Variants in ESYT3 observed in about 807,000 individuals in gnomAD.
ESYT3 encodes extended synaptotagmin-3.
In ESYT3, 101 loss-of-function variants were observed where a neutral mutation model predicts 111.5. The ratio of observed to expected loss-of-function variants is 0.91; its 90% CI spans 0.77 to 1.07. ESYT3 has a LOEUF of 1.07. Among genes scored for constraint, ESYT3 ranks in the 50% least tolerant of loss-of-function variants. ESYT3 has a pLI of 0.00. For synonymous variants in ESYT3, 416 were observed against 446.8 expected, an observed-to-expected ratio of 0.93 and a Z score of 0.87; for missense variants, 1,097 against 1,109.4, an observed-to-expected ratio of 0.99 and a Z score of 0.16.
chr3:138,467,626 C>A lies in ESYT3; in HGVS notation c.1218+17C>A. On this transcript the variant is annotated intron_variant, in intron 11 of 22. Coordinates refer to ENST00000389567, the MANE Select transcript of ESYT3 (RefSeq NM_031913.5). ...GTGGATGAGGTACAGTTGGTGCTTG[C>A]AACCCTCGGGGGAGTTTCAAGGTAG... is the stretch of plus-strand genomic sequence containing the variant. The A allele has an allele frequency of 6.2e-7, 1 of 1,613,566 alleles. No homozygotes were observed. Among genetic ancestry groups the A allele is most frequent in the Non-Finnish European group, 8.5e-7 (1 of 1,179,568 alleles).
chr3:138,449,808 C>T (rs1347503040), intron 1 of ESYT3, among the ~76,000 whole-genome samples: 4 of 152,204 alleles, frequency 2.6e-5, no homozygotes, highest in Admixed American at 2.6e-4. Flanking sequence ...TGTTAGTTGC[C>T]TGCCTGTGAG....
chr3:138,478,424 C>T lies in ESYT3; in HGVS notation c.*1570C>T, dbSNP rs1192955883. Reference sequence around the variant, plus strand: ...GGAGCATTGATGCCTACCCTGTCTACCTTATGATGGCATTCTAATTGCCCC... The same window carrying T: ...GGAGCATTGATGCCTACCCTGTCTATCTTATGATGGCATTCTAATTGCCCC... On this transcript the variant is annotated 3_prime_UTR_variant, in exon 23 of 23. Coordinates refer to ENST00000389567, the MANE Select transcript of ESYT3 (RefSeq NM_031913.5). 1 of 152,160 alleles carries T rather than the reference C, an allele frequency of 6.6e-6. No homozygotes were observed. The highest frequency in any genetic ancestry group is 1.5e-5 in the Non-Finnish European group (1 of 68,014). 9.4% of individuals were successfully genotyped at this position (152,160 alleles called of 1,614,324 possible).
At chr3:138,467,505 C>T in intron 10 of ESYT3, 56 bp from the exon 11 acceptor site, 1 of 1,567,362 alleles carries the variant, frequency 6.4e-7, no homozygotes, top group Non-Finnish European at 8.8e-7. Flanking sequence ...GCCTCCATGC[C>T]CTCTGCTGCT....
At chr3:138,452,119 C>G (rs811794) in intron 2 of ESYT3, 30 bp downstream of exon 2, 102,389 of 1,604,076 alleles carry the variant, frequency 0.064, 13,631 homozygotes, top group African/African-American at 0.49. Flanking sequence ...CTAGCAGGGC[C>G]GGACGCATGC....
At position 138,472,726 on chromosome 3, in the gene ESYT3, A is replaced by G. The variant is rs747640927; in HGVS notation, c.2104A>G (p.Lys702Glu). ...VPGPHSPGPI[K>E]SPRPMKCPAS... Reference sequence around the variant, plus strand: ...AGGTCCCCACTCTCCAGGGCCCATCAAGTCACCCAGACCCATGAAATGCCC... The same window carrying G: ...AGGTCCCCACTCTCCAGGGCCCATCGAGTCACCCAGACCCATGAAATGCCC... Residue 702 changes from lysine (K) to glutamate (E), a missense_variant, in exon 18 of 23, where the codon AAG (lysine) becomes GAG (glutamate). Physicochemically the swap from Lys to Glu is moderately conservative, Grantham distance 56. Coordinates refer to ENST00000389567, the MANE Select transcript of ESYT3 (RefSeq NM_031913.5). 2.5e-6 allele frequency: 4 copies of G among 1,614,040 alleles called. No individual in the cohort carries two copies. The highest frequency in any genetic ancestry group is 3.4e-6 in the Non-Finnish European group (4 of 1,180,042).
rs989160915 is a variant in ESYT3 at position 138,440,997 on chromosome 3, C to T, written c.327+5872C>T. Among the ~76,000 whole-genome samples the T allele has an allele frequency of 2.0e-5, 3 of 152,150 alleles. No individual in the cohort carries two copies. Among genetic ancestry groups the T allele is most frequent in the African/African-American group, 4.8e-5 (2 of 41,442 alleles). ...CTCTTCTGATAGAGCATGATCAGTTCTCTGAGGTGGCTCCAAGTCTGAGGC... is the reference window on the plus strand; with the variant it reads ...CTCTTCTGATAGAGCATGATCAGTTTTCTGAGGTGGCTCCAAGTCTGAGGC... On this transcript the variant is annotated intron_variant, in intron 1 of 22. Transcript: ENST00000389567. The surrounding 1 kb of genome is among the most constrained non-coding windows in gnomAD (Gnocchi z 4.2).
At chr3:138,465,290 G>A (rs766616700) in intron 9 of ESYT3, 49 bp from the exon 10 acceptor site, 4 of 1,429,368 alleles carry the variant, frequency 2.8e-6, no homozygotes, top group South Asian at 2.5e-5. Flanking sequence ...TGGGTCATAT[G>A]TCAGGTCGAC....
At position 138,476,926 on chromosome 3, in the gene ESYT3, C is replaced by A; in HGVS notation, c.*72C>A. 8.4e-7 allele frequency: 1 copy of A among 1,185,174 alleles called. No homozygotes were observed. The highest frequency in any genetic ancestry group is 1.5e-5 in the South Asian group (1 of 68,554). 73.4% of individuals were successfully genotyped at this position (1,185,174 alleles called of 1,614,324 possible). On this transcript the variant is annotated 3_prime_UTR_variant, in exon 23 of 23. Transcript: ENST00000389567. ...TGTATATATTTTTTCCTTTGGATCA[C>A]TTACATCCAATATATGTATATTTTG...
intron 1 of ESYT3, among the ~76,000 whole-genome samples, chr3:138,446,899 G>A (rs2031581014): frequency 6.6e-6 from 1 of 152,138 alleles, no homozygotes; most frequent in African/African-American, 2.4e-5. Context: ...GTCAGGCGTG[G>A]TGGTGCATAC....
intron 1 of ESYT3, among the ~76,000 whole-genome samples, chr3:138,436,446 G>T (rs1267720817): frequency 6.6e-6 from 1 of 152,216 alleles, no homozygotes; most frequent in Non-Finnish European, 1.5e-5. Context: ...CCTGCAAATA[G>T]AATCACATTC....
rs1316346601 is a variant in ESYT3 at position 138,435,039 on chromosome 3, G to C, written c.241G>C (p.Gly81Arg). ...WWRRNRRGKL[G>R]RLAAAFEFLD... Reference sequence around the variant, plus strand: ...GCGCAGGAACCGCCGCGGGAAGCTTGGGCGCCTGGCCGCCGCCTTCGAATT... The same window carrying C: ...GCGCAGGAACCGCCGCGGGAAGCTTCGGCGCCTGGCCGCCGCCTTCGAATT... Residue 81 changes from glycine (G) to arginine (R), a missense_variant, in exon 1 of 23, where the codon GGG becomes CGG. By Grantham distance (125) the Gly-to-Arg change is moderately radical. Coordinates refer to ENST00000389567, the MANE Select transcript of ESYT3 (RefSeq NM_031913.5). This position sits in a 1 kb window ranked among gnomAD's most constrained non-coding sequence, Gnocchi z 4.8. The C allele has an allele frequency of 1.3e-6, 2 of 1,586,336 alleles. No individual in the cohort carries two copies. The highest frequency in any genetic ancestry group is 1.7e-6 in the Non-Finnish European group (2 of 1,167,870).
chr3:138,435,069 G>T lies in ESYT3; in HGVS notation c.271G>T (p.Asp91Tyr). The change falls in exon 1 of 23, where the codon GAC becomes TAC. Residue 91 changes from aspartate to tyrosine, a missense_variant. Asp to Tyr is a radical substitution (Grantham distance 160, BLOSUM62 -3). Coordinates refer to ENST00000389567, the MANE Select transcript of ESYT3 (RefSeq NM_031913.5). This position sits in a 1 kb window ranked among gnomAD's most constrained non-coding sequence, Gnocchi z 4.8. Reference sequence around the variant, plus strand: ...CCTGGCCGCCGCCTTCGAATTCCTTGACAATGAACGCGAGTTCATCAGCCG... The same window carrying T: ...CCTGGCCGCCGCCTTCGAATTCCTTTACAATGAACGCGAGTTCATCAGCCG... ...GRLAAAFEFL[D>Y]NEREFISREL... 1 of 1,594,186 alleles carries T rather than the reference G, an allele frequency of 6.3e-7. No homozygotes were observed. Among genetic ancestry groups the T allele is most frequent in the Non-Finnish European group, 8.5e-7 (1 of 1,172,760 alleles).
chr3:138,470,844 A>G (rs768529476), intron 16 of ESYT3, 33 bp from the exon 17 acceptor site: 3 of 1,613,238 alleles, frequency 1.9e-6, no homozygotes, highest in African/African-American at 1.3e-5. Context: ...GGGCTTGGTT[A>G]TCCTCTTGTT....
At position 138,465,419 on chromosome 3, in the gene ESYT3, C is replaced by T; in HGVS notation, c.1167C>T (p.Gly389=). ...DEDTDRDDFL[G]SLQICLGDVM... ...ATACCGACAGGGATGACTTCCTGGG[C>T]AGGTGAGGAGGAGGGCGCACAGCTG... Residue 389 remains glycine, a splice_region_variant and synonymous_variant, in exon 10 of 23, where the codon GGC becomes GGT. Coordinates refer to ENST00000389567, the MANE Select transcript of ESYT3 (RefSeq NM_031913.5). 1 of 1,588,306 alleles carries T rather than the reference C, an allele frequency of 6.3e-7. No individual in the cohort carries two copies. The highest frequency in any genetic ancestry group is 8.6e-7 in the Non-Finnish European group (1 of 1,167,928).
chr3:138,460,237 GAGA>G (rs1461900748), intron 6 of ESYT3, among the ~76,000 whole-genome samples: 6 of 152,208 alleles, frequency 3.9e-5, no homozygotes, highest in Admixed American at 2.0e-4. Flanking sequence ...GCTAAGCTCA[GAGA>G]AGGTCACACA....
intron 1 of ESYT3, among the ~76,000 whole-genome samples, chr3:138,437,391 G>A (rs1188219938): frequency 6.6e-6 from 1 of 152,226 alleles, no homozygotes; most frequent in Non-Finnish European, 1.5e-5. Context: ...TGGCTGGCTT[G>A]TCTGGCCAGG....
At position 138,452,081 on chromosome 3, in the gene ESYT3, G is replaced by A. The variant is rs758734356; in HGVS notation, c.361G>A (p.Ala121Thr). 1.2e-5 allele frequency: 19 copies of A among 1,607,692 alleles called. No homozygotes were observed. In the African/African-American group the frequency reaches 1.4e-4, roughly 12 times the overall value. ...CCCGGACGTGGAGCGGGTCGAGTGG[G>A]CCAACAAGGTAAGGCCGCTGGCAGG... ...HFPDVERVEW[A>T]NKIISQTWPY... Residue 121 changes from alanine (A) to threonine (T), a missense_variant, in exon 2 of 23, where the codon GCC becomes ACC. Ala to Thr is a moderately conservative substitution (Grantham distance 58). Transcript: ENST00000389567.
chr3:138,441,179 C>T (rs2031123414), intron 1 of ESYT3, among the ~76,000 whole-genome samples: 1 of 152,212 alleles, frequency 6.6e-6, no homozygotes, highest in Admixed American at 6.5e-5. Flanking sequence ...CTCATTATTG[C>T]ATCTTGGGGT....
At position 138,446,085 on chromosome 3, in the gene ESYT3, AT is replaced by A. The variant is rs1326936496; in HGVS notation, c.328-5960del. ...CCTCATTTGTAAAAGGGGAATAATG[AT>A]TTATAGAGTGTTGGGAGCATCAAAT... On this transcript the variant is annotated intron_variant, in intron 1 of 22. Coordinates refer to ENST00000389567, the MANE Select transcript of ESYT3 (RefSeq NM_031913.5). 1.1e-4 allele frequency among the ~76,000 whole-genome samples: 17 copies of A among 152,184 alleles called. 1 individual carries two copies. Among genetic ancestry groups the A allele is most frequent in the Admixed American group, 1.0e-3 (16 of 15,280 alleles).
Sources: gnomAD v4.1 joint callset for allele counts (sites outside exome capture counted in the v4.1 genomes callset) on GRCh38, gnomAD v4.1.1 for gene constraint, Gnocchi (gnomAD v3.1) non-coding constraint, MANE v1.5 for transcripts, NCBI Gene and HGNC (gene_info 2026-07-23, HGNC 2026-07-21) for gene names.